Variants in PDZD2 observed in about 807,000 individuals in gnomAD.
PDZD2 encodes the protein PDZ domain-containing protein 2.
Under a neutral mutation model 220.7 loss-of-function variants are expected in PDZD2, and 90 were observed. The observed-to-expected ratio is 0.41, with a 90% CI of 0.34 to 0.49. The LOEUF (loss-of-function observed/expected upper bound fraction) is 0.49. Ranked by LOEUF, PDZD2 falls within the 20% of genes least tolerant of loss-of-function variation. The pLI, the probability that PDZD2 is intolerant of heterozygous loss-of-function variation, is 0.28. For synonymous variants in PDZD2, 1,375 were observed against 1,450.5 expected (o/e 0.95, Z 1.18); for missense variants, 3,174 against 3,608.5 (o/e 0.88, Z 3.08).
intron 1 of PDZD2, among the ~76,000 whole-genome samples, chr5:31,666,355 A>T (rs1205731727): frequency 6.6e-6 from 1 of 152,244 alleles, no homozygotes; most frequent in Non-Finnish European, 1.5e-5. Flanking sequence ...TAATTTTTAA[A>T]TACGAGAAAT....
In PDZD2 at chr5:32,000,495, GTTT is replaced by G. The variant is rs1752016540; in HGVS notation, c.1254+227_1254+229del. 8.9e-6 allele frequency among the ~76,000 whole-genome samples: 1 copy of G among 112,078 alleles called. No homozygotes were observed. Among genetic ancestry groups the G allele is most frequent in the Non-Finnish European group, 1.7e-5 (1 of 57,646 alleles). 73.5% of individuals were successfully genotyped at this position (112,078 alleles called of 152,430 possible). On this transcript the variant is annotated intron_variant, in intron 5 of 24. Transcript: ENST00000438447. This position sits in a 1 kb window ranked among gnomAD's most constrained non-coding sequence, Gnocchi z 4.5. ...CCTTAAGAAGTTTGTTTTTGTTTTTGTTTTTGTTTTTGTTTTTGTTTTTGTTTT... is the reference window on the plus strand; with the variant it reads ...CCTTAAGAAGTTTGTTTTTGTTTTTGTTGTTTTTGTTTTTGTTTTTGTTTT...
intron 1 of PDZD2, among the ~76,000 whole-genome samples, chr5:31,797,537 G>A (rs1045939287): frequency 2.0e-5 from 3 of 151,740 alleles, no homozygotes; most frequent in Non-Finnish European, 2.9e-5. Context: ...GTTTCACCAT[G>A]TTGGCCAGAC....
At chr5:32,006,681 CTTTTTTTTTT>C (rs76703572) in intron 5 of PDZD2, among the ~76,000 whole-genome samples, 2 of 116,676 alleles carry the variant, frequency 1.7e-5, no homozygotes, top group African/African-American at 8.5e-5. Context: ...GGCTCAACAC[CTTTTTTTTTT>C]TTTTTTTTTT....
chr5:31,660,027 G>A (rs935933652), intron 1 of PDZD2, among the ~76,000 whole-genome samples: 1 of 152,212 alleles, frequency 6.6e-6, no homozygotes, highest in Non-Finnish European at 1.5e-5. Context: ...ATTTTCCTAA[G>A]GTGACCCAGC....
intron 2 of PDZD2, among the ~76,000 whole-genome samples, chr5:31,904,798 C>T (rs769624447): frequency 8.5e-5 from 13 of 152,060 alleles, no homozygotes; most frequent in African/African-American, 1.2e-4. Context: ...TGGAAAGGTA[C>T]AGATACAGAA....
intron 1 of PDZD2, among the ~76,000 whole-genome samples, chr5:31,757,241 G>A (rs112958666): frequency 9.3e-4 from 142 of 152,164 alleles, no homozygotes; most frequent in African/African-American, 3.3e-3. Context: ...AGCTATGACC[G>A]CACTACTGCA....
Position 31,639,334 on chromosome 5 carries a change from C to A in PDZD2, c.-464C>A, listed in dbSNP as rs1744845687. 6.7e-6 allele frequency: 1 copy of A among 149,954 alleles called. No individual in the cohort carries two copies. The highest frequency in any genetic ancestry group is 1.5e-5 in the Non-Finnish European group (1 of 67,214). 9.3% of individuals were successfully genotyped at this position (149,954 alleles called of 1,614,324 possible). On this transcript the variant is annotated 5_prime_UTR_variant, in exon 1 of 25. Coordinates refer to ENST00000438447, the MANE Select transcript of PDZD2 (RefSeq NM_178140.4). The surrounding 1 kb of genome is among the most constrained non-coding windows in gnomAD (Gnocchi z 4.1). ...GCTCGGGGCAGGCGCGGCGGCGGCACCGGTGGTGGCCGCGGTGGCGGCAGC... is the reference window on the plus strand; with the variant it reads ...GCTCGGGGCAGGCGCGGCGGCGGCAACGGTGGTGGCCGCGGTGGCGGCAGC...
intron 6 of PDZD2, among the ~76,000 whole-genome samples, chr5:32,032,056 A>G (rs1011090247): frequency 2.0e-5 from 3 of 152,236 alleles, no homozygotes; most frequent in Non-Finnish European, 4.4e-5. Context: ...AGGGAGCAAC[A>G]TGACAGTCAC....
At chr5:31,871,156 C>T (rs1364196276) in intron 2 of PDZD2, among the ~76,000 whole-genome samples, 1 of 152,104 alleles carries the variant, frequency 6.6e-6, no homozygotes, top group Non-Finnish European at 1.5e-5. Context: ...ATATGCGTTA[C>T]TCTTAATACC....
chr5:31,834,589 C>A (rs1435439926), intron 2 of PDZD2, among the ~76,000 whole-genome samples: 4 of 151,988 alleles, frequency 2.6e-5, no homozygotes, highest in African/African-American at 9.7e-5. Context: ...GTGCTCATTC[C>A]TGGGGAAGTT....
chr5:31,693,525 C>G (rs1747235524), intron 1 of PDZD2, among the ~76,000 whole-genome samples: 1 of 151,532 alleles, frequency 6.6e-6, no homozygotes, highest in Non-Finnish European at 1.5e-5. Flanking sequence ...TAGGCGTGAG[C>G]TACCGCGCCT....
Position 31,983,148 on chromosome 5 carries a change from G to A in PDZD2, c.477-7G>A. On this transcript the variant is annotated splice_polypyrimidine_tract_variant and splice_region_variant and intron_variant, in intron 2 of 24. Transcript: ENST00000438447. The stretch of plus-strand genomic sequence containing the variant: ...GGTTCTAACTGGCACCTCTCTGTCT[G>A]TTGCAGTTACCTGGCTGAGCAGTGC... 5.0e-6 allele frequency: 8 copies of A among 1,609,260 alleles called. No individual in the cohort carries two copies. Among genetic ancestry groups the A allele is most frequent in the Non-Finnish European group, 6.8e-6 (8 of 1,177,198 alleles).
In PDZD2 at chr5:31,968,315, A is replaced by G. The variant is rs145966221; in HGVS notation, c.477-14840A>G. ...AGAGGTTGCAGTGAGCCGAGATCGC[A>G]CCACTGTGCTCCAGCCTGGGCGACA... On this transcript the variant is annotated intron_variant, in intron 2 of 24. Coordinates refer to ENST00000438447, the MANE Select transcript of PDZD2 (RefSeq NM_178140.4). Among the ~76,000 whole-genome samples, 586 of 152,246 alleles carry G rather than the reference A, an allele frequency of 3.8e-3. 2 individuals are homozygous for G. The highest frequency in any genetic ancestry group is 0.014 in the African/African-American group (567 of 41,548).
chr5:31,742,701 T>C (rs1291643945), intron 1 of PDZD2, among the ~76,000 whole-genome samples: 3 of 152,202 alleles, frequency 2.0e-5, no homozygotes, highest in African/African-American at 7.2e-5. Context: ...CATAACTTGC[T>C]AGGGCCTCTG....
chr5:31,985,853 T>C (rs4867412), intron 3 of PDZD2, among the ~76,000 whole-genome samples: 103,191 of 151,548 alleles, frequency 0.68, 35,936 homozygotes, highest in Middle Eastern at 0.77. Flanking sequence ...CCAAGGTGGG[T>C]GGATCACCTG....
chr5:31,854,849 G>A (rs1409594284), intron 2 of PDZD2: 2 of 348,198 alleles, frequency 5.7e-6, no homozygotes, highest in Non-Finnish European at 8.1e-6. Flanking sequence ...CAGGGGAGTG[G>A]CGAGCCGAGT....
chr5:31,813,811 G>A (rs1385634966), intron 2 of PDZD2, among the ~76,000 whole-genome samples: 4 of 152,104 alleles, frequency 2.6e-5, no homozygotes, highest in African/African-American at 9.7e-5. Flanking sequence ...GTGTAGTGGG[G>A]GAGATCTGCT....
chr5:32,035,993 G>T (rs1228030141), intron 6 of PDZD2, among the ~76,000 whole-genome samples: 5 of 152,068 alleles, frequency 3.3e-5, no homozygotes, highest in Non-Finnish European at 4.4e-5. Flanking sequence ...GCCCAGGCTG[G>T]AGTGCAGTAG....
chr5:31,842,294 G>A (rs1757357337), intron 2 of PDZD2, among the ~76,000 whole-genome samples: 1 of 152,182 alleles, frequency 6.6e-6, no homozygotes, highest in Admixed American at 6.5e-5. Flanking sequence ...TTATGTGCCA[G>A]TTCATTCTAG....
Sources: gnomAD v4.1 joint callset for allele counts (sites outside exome capture counted in the v4.1 genomes callset) on GRCh38, gnomAD v4.1.1 for gene constraint, Gnocchi (gnomAD v3.1) non-coding constraint, MANE v1.5 for transcripts, NCBI Gene and HGNC (gene_info 2026-07-23, HGNC 2026-07-21) for gene names.